IFT122: variants seen among roughly 807,000 people sequenced by gnomAD.
IFT122 encodes intraflagellar transport protein 122 homolog.
A neutral mutation model predicts 161.6 loss-of-function variants in IFT122; 118 were observed. The observed-to-expected ratio is 0.73, with a 90% CI of 0.63 to 0.85. The LOEUF is 0.85. IFT122 is among the 40% of genes least tolerant of loss of function. The pLI is 0.00. For synonymous variants in IFT122, 550 were observed against 602.4 expected, an observed-to-expected ratio of 0.91 and a Z score of 1.27; for missense variants, 1,381 against 1,579.6, an observed-to-expected ratio of 0.87 and a Z score of 2.13.
intron 8 of IFT122, among the ~76,000 whole-genome samples, chr3:129,468,125 T>C (rs930776252): frequency 2.6e-5 from 4 of 152,212 alleles, no homozygotes; most frequent in African/African-American, 9.6e-5. Context: ...CTCATTAACA[T>C]CCCTCTCGGT....
intron 9 of IFT122, among the ~76,000 whole-genome samples, chr3:129,471,031 G>A (rs758681565): frequency 1.3e-5 from 2 of 152,208 alleles, no homozygotes; most frequent in Non-Finnish European, 2.9e-5. Flanking sequence ...AATATAGAGA[G>A]CATGGTAGTA....
intron 1 of IFT122, 67 bp downstream of exon 1, chr3:129,440,438 C>G (rs1387988292): frequency 2.0e-6 from 3 of 1,533,606 alleles, no homozygotes; most frequent in Admixed American, 3.9e-5. Flanking sequence ...CGAGCCGCTG[C>G]AGCGTGTTTG....
chr3:129,440,463 C>A, intron 1 of IFT122, 92 bp downstream of exon 1: 1 of 1,458,050 alleles, frequency 6.9e-7, no homozygotes, highest in Non-Finnish European at 9.4e-7. Flanking sequence ...GGGCAGCGGG[C>A]TTGCTGCCTG....
At chr3:129,458,376 T>C (rs2075781489) in intron 3 of IFT122, among the ~76,000 whole-genome samples, 1 of 152,172 alleles carries the variant, frequency 6.6e-6, no homozygotes, top group Admixed American at 6.5e-5. Flanking sequence ...GACAGCTACA[T>C]GTAGTAGGCT....
intron 3 of IFT122, chr3:129,456,156 G>A (rs1295436167): frequency 3.4e-6 from 3 of 881,856 alleles, no homozygotes; most frequent in Non-Finnish European, 3.2e-6. Flanking sequence ...CATGCAGCTG[G>A]TCAGTGAGAT....
At chr3:129,507,554 G>T in intron 22 of IFT122, 114 bp from the exon 23 acceptor site, 1 of 840,060 alleles carries the variant, frequency 1.2e-6, no homozygotes, top group Non-Finnish European at 2.1e-6. Flanking sequence ...ACACTGTGTG[G>T]TGGGAGAACT....
intron 4 of IFT122, 164 bp from the exon 5 acceptor site, chr3:129,461,064 C>A: frequency 3.1e-6 from 3 of 961,688 alleles, no homozygotes; most frequent in Non-Finnish European, 5.0e-6. Flanking sequence ...AGAATTAATT[C>A]TTTAGGAGTA....
At position 129,504,500 on chromosome 3, in the gene IFT122, A is replaced by T. The variant is rs2081984384; in HGVS notation, c.2650+79A>T. On this transcript the variant is annotated intron_variant, in intron 21 of 29. Coordinates refer to ENST00000348417, the MANE Select transcript of IFT122 (RefSeq NM_052989.3). ...GACATACATTTCAGGAAGGCTACCA[A>T]GCCCTTCCCATCTGTAGATCCCAAG... 4 of 1,120,110 alleles carry T rather than the reference A, an allele frequency of 3.6e-6. No homozygotes were observed. The Admixed American group carries it at 6.8e-5, about 19-fold the overall frequency. 69.4% of individuals were successfully genotyped at this position (1,120,110 alleles called of 1,614,324 possible).
intron 23 of IFT122, among the ~76,000 whole-genome samples, chr3:129,511,210 C>T (rs191257182): frequency 3.5e-4 from 53 of 152,320 alleles, no homozygotes; most frequent in South Asian, 6.2e-4. Flanking sequence ...CTCTCTGGGA[C>T]GTTACTTAGC....
At position 129,480,919 on chromosome 3, in the gene IFT122, G is replaced by A; in HGVS notation, c.1489-611G>A. ...CCAGGGGTATTAAAACAGGCATGGT[G>A]GAGGGTACCTGTTTTCCCAGCTACT... On this transcript the variant is annotated intron_variant, in intron 13 of 29. Coordinates refer to ENST00000348417, the MANE Select transcript of IFT122 (RefSeq NM_052989.3). Among the ~76,000 whole-genome samples, 2 of 152,152 alleles carry A rather than the reference G, an allele frequency of 1.3e-5. 1 individual carries two copies. Among genetic ancestry groups the A allele is most frequent in the Non-Finnish European group, 2.9e-5 (2 of 68,024 alleles).
rs2078919826 is a variant in IFT122 at position 129,483,540 on chromosome 3, T to G, written c.1709T>G (p.Phe570Cys). ...WNTQCEDMLC[F>C]SGGGYLNIKA... is the part of the protein sequence containing the mutation. ...ACCCAGTGTGAGGACATGCTCTGCT[T>G]CTCGGGAGGAGGCTACCTCAACATC... The change falls in exon 15 of 30, where the codon TTC (phenylalanine) becomes TGC (cysteine). Residue 570 changes from phenylalanine to cysteine, a missense_variant. Physicochemically the swap from Phe to Cys is radical, Grantham distance 205 (BLOSUM62 -2). This residue lies in a region of IFT122 where 544 missense variants were observed against 648.0 expected (regional missense o/e 0.84). Coordinates refer to ENST00000348417, the MANE Select transcript of IFT122 (RefSeq NM_052989.3). 1 of 1,614,034 alleles carries G rather than the reference T, an allele frequency of 6.2e-7. No homozygotes were observed. The highest frequency in any genetic ancestry group is 8.5e-7 in the Non-Finnish European group (1 of 1,180,010).
chr3:129,495,583 C>A lies in IFT122; in HGVS notation c.2184C>A (p.Asp728Glu). 1 of 1,614,218 alleles carries A rather than the reference C, an allele frequency of 6.2e-7. No individual in the cohort carries two copies. The highest frequency in any genetic ancestry group is 8.5e-7 in the Non-Finnish European group (1 of 1,180,042). The change falls in exon 18 of 30, where the codon GAC becomes GAA. Residue 728 changes from aspartate to glutamate, a missense_variant. By Grantham distance (45) the Asp-to-Glu change is conservative (BLOSUM62 2). This residue lies in a region of IFT122 where 496 missense variants were observed against 502.5 expected (regional missense o/e 0.99). Transcript: ENST00000348417. ...HENLALEMYT[D>E]LCMFEYAKDF... ...ACCTCGCGCTTGAAATGTACACCGA[C>A]CTCTGCATGTTTGAGTATGCCAAGG... is the stretch of plus-strand genomic sequence containing the variant.
intron 16 of IFT122, among the ~76,000 whole-genome samples, 189 bp from the exon 17 acceptor site, chr3:129,491,952 C>A (rs187403699): frequency 2.9e-3 from 435 of 152,272 alleles, no homozygotes; most frequent in Non-Finnish European, 4.6e-3. Context: ...ATGGTCCAAT[C>A]CCATGGATAA....
rs1175155590 is a variant in IFT122 at position 129,520,394 on chromosome 3, C to G, written c.*129C>G. On this transcript the variant is annotated 3_prime_UTR_variant, in exon 30 of 30. Transcript: ENST00000348417. Reference sequence around the variant, plus strand: ...TGAAGTTTGTGTTTTGTGGGGGGGGCCTTGTGTAACCACGGAATTCCTATT... The same window carrying G: ...TGAAGTTTGTGTTTTGTGGGGGGGGGCTTGTGTAACCACGGAATTCCTATT... The G allele has an allele frequency of 3.6e-5, 27 of 749,448 alleles. No individual in the cohort carries two copies. The highest frequency in any genetic ancestry group is 2.3e-4 in the Middle Eastern group (1 of 4,298). The allele number at this position is 749,448 out of a possible 1,614,324, so 46.4% of individuals were successfully genotyped here. A position where few individuals can be genotyped will look rare whatever the true frequency, so the allele number is the denominator to read the frequency against.
intron 27 of IFT122, 45 bp from the exon 28 acceptor site, chr3:129,519,062 T>C (rs747062791): frequency 6.6e-7 from 1 of 1,518,940 alleles, no homozygotes; most frequent in Non-Finnish European, 9.1e-7. Flanking sequence ...CTAGGGTCTG[T>C]CTCCATCTCT....
chr3:129,519,298 A>G, intron 28 of IFT122, 112 bp downstream of exon 28: 1 of 1,112,622 alleles, frequency 9.0e-7, no homozygotes, highest in Non-Finnish European at 1.4e-6. Context: ...CAGAACTTCC[A>G]GATGTGGTGG....
At position 129,517,522 on chromosome 3, in the gene IFT122, G is replaced by T; in HGVS notation, c.3319G>T (p.Ala1107Ser). ...GGAGGAAGGGATCACTGATGAAGAA[G>T]CCATCTCCCTCATCGACCTGGAGGT... ...YLEEGITDEE[A>S]ISLIDLEVLR... Residue 1107 changes from alanine to serine, a missense_variant, in exon 27 of 30, where the codon GCC (alanine) becomes TCC (serine). Ala to Ser is a moderately conservative substitution (Grantham distance 99). Coordinates refer to ENST00000348417, the MANE Select transcript of IFT122 (RefSeq NM_052989.3). 1 of 1,614,058 alleles carries T rather than the reference G, an allele frequency of 6.2e-7. No homozygotes were observed. Among genetic ancestry groups the T allele is most frequent in the African/African-American group, 1.3e-5 (1 of 75,048 alleles).
chr3:129,441,132 C>T (rs3138327), intron 1 of IFT122, among the ~76,000 whole-genome samples: 1 of 152,354 alleles, frequency 6.6e-6, no homozygotes, highest in East Asian at 1.9e-4. Context: ...AAATCTATAA[C>T]ATAGCAGTCT....
At position 129,517,449 on chromosome 3, in the gene IFT122, C is replaced by G. The variant is rs1300112872; in HGVS notation, c.3266-20C>G. 1 of 1,612,760 alleles carries G rather than the reference C, an allele frequency of 6.2e-7. No individual in the cohort carries two copies. The highest frequency in any genetic ancestry group is 8.5e-7 in the Non-Finnish European group (1 of 1,179,186). ...TTGCAAGGCCTCCAGCCCCCTCAGCCCTTTCTCTATGCCCTCCAGACGTGC... is the reference window on the plus strand; with the variant it reads ...TTGCAAGGCCTCCAGCCCCCTCAGCGCTTTCTCTATGCCCTCCAGACGTGC... On this transcript the variant is annotated intron_variant, in intron 26 of 29. Transcript: ENST00000348417.
Sources: gnomAD v4.1 joint callset for allele counts (sites outside exome capture counted in the v4.1 genomes callset) on GRCh38, gnomAD v4.1.1 for gene constraint, gnomAD v4.1.1 regional missense constraint, MANE v1.5 for transcripts, NCBI Gene and HGNC (gene_info 2026-07-23, HGNC 2026-07-21) for gene names.